SERPINE2: variants seen among roughly 807,000 people sequenced by gnomAD.
The protein encoded by SERPINE2 is glia-derived nexin.
SERPINE2 carries 14 observed loss-of-function variants against 36.3 expected under a neutral mutation model. That is an observed-to-expected ratio of 0.39 (90% CI 0.25 to 0.60). The LOEUF is 0.60. SERPINE2 is among the 20% of genes least tolerant of loss of function. SERPINE2 has a pLI of 0.57. For missense variants in SERPINE2, 418 were observed against 499.6 expected, an observed-to-expected ratio of 0.84 and a Z score of 1.56; for synonymous variants, 192 against 191.8, an observed-to-expected ratio of 1.00 and a Z score of -0.01.
At chr2:223,988,700 C>T (rs1274319717) in intron 4 of SERPINE2, among the ~76,000 whole-genome samples, 1 of 152,104 alleles carries the variant, frequency 6.6e-6, no homozygotes, top group African/African-American at 2.4e-5. Context: ...CTATTCCTAT[C>T]CCAGGAAATT....
At chr2:224,033,563 G>T (rs1290807568) in intron 1 of SERPINE2, among the ~76,000 whole-genome samples, 1 of 151,498 alleles carries the variant, frequency 6.6e-6, no homozygotes, top group Non-Finnish European at 1.5e-5. Context: ...GTTCTAGATG[G>T]TAACCTACAC....
chr2:224,022,585 A>G (rs192389365), intron 1 of SERPINE2, among the ~76,000 whole-genome samples: 1 of 152,196 alleles, frequency 6.6e-6, no homozygotes, highest in East Asian at 1.9e-4. Context: ...GACACTCCCA[A>G]TCTCTGGAAA....
At chr2:224,026,697 G>A (rs945305890) in intron 1 of SERPINE2, among the ~76,000 whole-genome samples, 3 of 152,236 alleles carry the variant, frequency 2.0e-5, no homozygotes, top group African/African-American at 7.2e-5. Flanking sequence ...GTGCCTTTTC[G>A]TGACATACTC....
chr2:223,977,672 C>G (rs763664860), intron 7 of SERPINE2, 45 bp from the exon 8 acceptor site: 71 of 1,352,330 alleles, frequency 5.3e-5, no homozygotes, highest in Non-Finnish European at 7.1e-5. Flanking sequence ...TACATGAGAC[C>G]ATGTAAGCAT....
In SERPINE2 at chr2:223,998,068, C is replaced by T. The variant is rs371252919; in HGVS notation, c.487+47G>A. The T allele has an allele frequency of 6.6e-5, 97 of 1,478,776 alleles. No individual in the cohort carries two copies. In the African/African-American group the frequency reaches 1.2e-3, roughly 19 times the overall value. 91.6% of individuals were successfully genotyped at this position (1,478,776 alleles called of 1,614,324 possible). A position where few individuals can be genotyped will look rare whatever the true frequency, so the allele number is the denominator to read the frequency against. Reference sequence around the variant, plus strand: ...TTTGAACCCTGGAGTCTAACTCATGCTTCATTCACAAACTATGCAATCAAA... The same window carrying T: ...TTTGAACCCTGGAGTCTAACTCATGTTTCATTCACAAACTATGCAATCAAA... On this transcript the variant is annotated intron_variant, in intron 3 of 8. Coordinates refer to ENST00000409304, the MANE Select transcript of SERPINE2 (RefSeq NM_001136528.2).
chr2:223,975,523 C>T lies in SERPINE2; in HGVS notation c.*344G>A. 4.9e-6 allele frequency: 1 copy of T among 202,996 alleles called. No homozygotes were observed. The highest frequency in any genetic ancestry group is 9.8e-6 in the Non-Finnish European group (1 of 102,296). The allele number at this position is 202,996 out of a possible 1,614,324, so 12.6% of individuals were successfully genotyped here. A position where few individuals can be genotyped will look rare whatever the true frequency, so the allele number is the denominator to read the frequency against. On this transcript the variant is annotated 3_prime_UTR_variant, in exon 9 of 9. Coordinates refer to ENST00000409304, the MANE Select transcript of SERPINE2 (RefSeq NM_001136528.2). ...CACTGATTAAATTTCTTCTGAAAAG[C>T]CGCACATATAGACAAAACAAAACAA...
intron 1 of SERPINE2, among the ~76,000 whole-genome samples, chr2:224,023,906 G>A (rs1692094561): frequency 6.6e-6 from 1 of 152,148 alleles, no homozygotes; most frequent in African/African-American, 2.4e-5. Context: ...AGAAACCCAT[G>A]CAGCTTTGGT....
At chr2:224,012,991 C>T (rs1279240527) in intron 1 of SERPINE2, among the ~76,000 whole-genome samples, 1 of 152,166 alleles carries the variant, frequency 6.6e-6, no homozygotes, top group Non-Finnish European at 1.5e-5. Context: ...AACCCACAGA[C>T]CATTTCATGT....
rs139796313 is a variant in SERPINE2 at position 224,021,774 on chromosome 2, C to T, written c.-23+17325G>A. Among the ~76,000 whole-genome samples, 376 of 152,228 alleles carry T rather than the reference C, an allele frequency of 2.5e-3. 2 individuals carry two copies. Among genetic ancestry groups the T allele is most frequent in the African/African-American group, 8.9e-3 (370 of 41,542 alleles). ...GGTACAGTGGATCACACCTGTAATC[C>T]CAACTTTAAGAGGCCAAGGTGGGTG... is the stretch of plus-strand genomic sequence containing the variant. On this transcript the variant is annotated intron_variant, in intron 1 of 8. Transcript: ENST00000409304.
chr2:224,011,139 T>C (rs144103628), intron 1 of SERPINE2, among the ~76,000 whole-genome samples: 44 of 152,306 alleles, frequency 2.9e-4, no homozygotes, highest in African/African-American at 9.9e-4. Context: ...TTTACCTATG[T>C]ATCAAGTCCT....
chr2:224,034,063 T>G (rs1453428309), intron 1 of SERPINE2, among the ~76,000 whole-genome samples: 1 of 152,110 alleles, frequency 6.6e-6, no homozygotes, highest in African/African-American at 2.4e-5. Flanking sequence ...ACAAAAAATA[T>G]GAATATGGTT....
chr2:224,014,285 GA>G (rs1008742221), intron 1 of SERPINE2, among the ~76,000 whole-genome samples: 11 of 152,060 alleles, frequency 7.2e-5, no homozygotes, highest in African/African-American at 2.7e-4. Context: ...TGAGGCAGGG[GA>G]ATCACTAGAA....
At chr2:223,980,459 G>A (rs1478059621) in intron 6 of SERPINE2, 62 bp from the exon 7 acceptor site, 2 of 1,432,150 alleles carry the variant, frequency 1.4e-6, no homozygotes, top group Admixed American at 1.7e-5. Flanking sequence ...TGGTTGGTTG[G>A]GGAAGTAACC....
intron 3 of SERPINE2, among the ~76,000 whole-genome samples, chr2:223,993,105 A>T (rs1164104671): frequency 6.8e-6 from 1 of 146,544 alleles, no homozygotes; most frequent in African/African-American, 2.5e-5. Flanking sequence ...AGCCTGGGTG[A>T]CAGAATGAGA....
chr2:224,030,778 G>T, intron 1 of SERPINE2: 1 of 172,930 alleles, frequency 5.8e-6, no homozygotes, highest in Non-Finnish European at 1.2e-5. Context: ...TGTTTGAAAA[G>T]TCATGGCACA....
chr2:223,998,370 A>C, intron 2 of SERPINE2, 28 bp from the exon 3 acceptor site: 1 of 1,541,076 alleles, frequency 6.5e-7, no homozygotes, highest in Non-Finnish European at 9.0e-7. Context: ...AGATACAGCA[A>C]TACTTCCATA....
At chr2:223,980,112 T>TC (rs1690165941) in intron 7 of SERPINE2, 199 bp downstream of exon 7, 2 of 489,064 alleles carry the variant, frequency 4.1e-6, no homozygotes, top group African/African-American at 3.9e-5. Flanking sequence ...GAAATGCTTT[T>TC]CTTTAATGAA....
At chr2:223,989,404 G>T (rs550346506) in intron 4 of SERPINE2, among the ~76,000 whole-genome samples, 1 of 152,190 alleles carries the variant, frequency 6.6e-6, no homozygotes, top group Non-Finnish European at 1.5e-5. Context: ...GTGGCACCCT[G>T]GGCCCTGTGA....
chr2:223,998,036 A>T, intron 3 of SERPINE2, 79 bp downstream of exon 3: 2 of 1,176,212 alleles, frequency 1.7e-6, no homozygotes, highest in Non-Finnish European at 2.5e-6. Flanking sequence ...GGACTTGCAG[A>T]CACCACTTTG....
Sources: gnomAD v4.1 joint callset for allele counts (sites outside exome capture counted in the v4.1 genomes callset) on GRCh38, gnomAD v4.1.1 for gene constraint, MANE v1.5 for transcripts, NCBI Gene and HGNC (gene_info 2026-07-23, HGNC 2026-07-21) for gene names.